ATXN7L1: variants seen among roughly 807,000 people sequenced by gnomAD.
The protein encoded by ATXN7L1 is ataxin 7 like 1, also known as ataxin-7-like protein 1.
A neutral mutation model predicts 70.8 loss-of-function variants in ATXN7L1; 15 were observed. The observed-to-expected ratio is 0.21, with a 90% CI of 0.14 to 0.33. The LOEUF (loss-of-function observed/expected upper bound fraction) is 0.33, where lower values mean the gene tolerates loss of function less well. Among genes scored for constraint, ATXN7L1 ranks in the 10% least tolerant of loss-of-function variants. ATXN7L1 has a pLI of 1.00. For synonymous variants in ATXN7L1, 440 were observed against 445.1 expected, an observed-to-expected ratio of 0.99 and a Z score of 0.14; for missense variants, 975 against 1,097.1, an observed-to-expected ratio of 0.89 and a Z score of 1.57.
intron 3 of ATXN7L1, among the ~76,000 whole-genome samples, chr7:105,770,120 G>C (rs1443372185): frequency 6.6e-6 from 1 of 152,238 alleles, no homozygotes; most frequent in Non-Finnish European, 1.5e-5. Flanking sequence ...TTTTGGGCCA[G>C]TGCAGTGATG....
chr7:105,618,998 AG>A (rs1027479415), intron 9 of ATXN7L1, among the ~76,000 whole-genome samples: 8 of 152,226 alleles, frequency 5.3e-5, no homozygotes, highest in African/African-American at 1.9e-4. Context: ...AGTCCTAAGG[AG>A]GCGGGAAGGG....
chr7:105,749,585 C>CT (rs1419428687), intron 3 of ATXN7L1, among the ~76,000 whole-genome samples: 1 of 150,342 alleles, frequency 6.7e-6, no homozygotes, highest in Non-Finnish European at 1.5e-5. Context: ...GATTGAGCCA[C>CT]TGTCCTCCAG....
At chr7:105,648,043 T>C (rs1799317032) in intron 4 of ATXN7L1, among the ~76,000 whole-genome samples, 1 of 152,040 alleles carries the variant, frequency 6.6e-6, no homozygotes. Flanking sequence ...TGGGAAGCAT[T>C]GGGGAAAAAA....
chr7:105,645,410 C>T (rs1381653168), intron 4 of ATXN7L1, among the ~76,000 whole-genome samples: 3 of 152,092 alleles, frequency 2.0e-5, no homozygotes, highest in African/African-American at 7.2e-5. Context: ...ACCTGTAATC[C>T]CAGCACTTTG....
chr7:105,836,450 G>T (rs189309912), intron 2 of ATXN7L1, among the ~76,000 whole-genome samples: 3 of 152,272 alleles, frequency 2.0e-5, no homozygotes, highest in East Asian at 3.9e-4. Flanking sequence ...GGAGAAAATG[G>T]GATGCCAGCA....
chr7:105,638,432 C>G lies in ATXN7L1; in HGVS notation c.1123G>C (p.Gly375Arg). ...QSGPAQDSLL[G>R]SSGSSGPEPK... ...TCTGGCCCAGAGCTCCCTGAAGACC[C>G]TAGCAGAGAATCCTGTGCCGGCCCG... is the stretch of plus-strand genomic sequence containing the variant. Residue 375 changes from glycine to arginine, a missense_variant, in exon 7 of 12, where the codon GGG (glycine) becomes CGG (arginine). Gly to Arg is a moderately radical substitution (Grantham distance 125). This residue lies in a region of ATXN7L1 where 635 missense variants were observed against 699.4 expected (regional missense o/e 0.91). Coordinates refer to ENST00000419735, the MANE Select transcript of ATXN7L1 (RefSeq NM_020725.2). 1 of 1,552,346 alleles carries G rather than the reference C, an allele frequency of 6.4e-7. No homozygotes were observed.
intron 2 of ATXN7L1, among the ~76,000 whole-genome samples, chr7:105,804,917 G>A (rs747655387): frequency 7.2e-5 from 11 of 152,162 alleles, no homozygotes; most frequent in Non-Finnish European, 1.0e-4. Context: ...TAAAGAGGAC[G>A]GCAGCTGGGA....
intron 3 of ATXN7L1, among the ~76,000 whole-genome samples, chr7:105,696,338 C>A (rs555066192): frequency 6.6e-6 from 1 of 152,282 alleles, no homozygotes; most frequent in South Asian, 2.1e-4. Context: ...TGCATCCATG[C>A]TGCCTGAAAG....
chr7:105,704,969 T>G (rs1792967340), intron 3 of ATXN7L1, among the ~76,000 whole-genome samples: 1 of 152,170 alleles, frequency 6.6e-6, no homozygotes, highest in African/African-American at 2.4e-5. Flanking sequence ...TGTGCTGTGC[T>G]ACCCAGAATT....
At position 105,676,503 on chromosome 7, in the gene ATXN7L1, T is replaced by G. The variant is rs114874972; in HGVS notation, c.356-11215A>C. On this transcript the variant is annotated intron_variant, in intron 3 of 11. Transcript: ENST00000419735. ...CGGGGGAGCCACAGACCCCAGGATCTTGGGGAGAAGATCCATGAGCTGGGA... is the reference window on the plus strand; with the variant it reads ...CGGGGGAGCCACAGACCCCAGGATCGTGGGGAGAAGATCCATGAGCTGGGA... Among the ~76,000 whole-genome samples, 1,027 of 152,270 alleles carry G rather than the reference T, an allele frequency of 6.7e-3. 14 individuals carry two copies. The highest frequency in any genetic ancestry group is 0.024 in the African/African-American group (987 of 41,558).
chr7:105,684,488 C>T (rs565247426), intron 3 of ATXN7L1, among the ~76,000 whole-genome samples: 100 of 152,316 alleles, frequency 6.6e-4, no homozygotes, highest in African/African-American at 2.4e-3. Flanking sequence ...TTAATGCAGC[C>T]AGAGATCCAA....
chr7:105,793,011 T>A (rs913820181), intron 2 of ATXN7L1, among the ~76,000 whole-genome samples: 6 of 152,226 alleles, frequency 3.9e-5, no homozygotes, highest in South Asian at 4.1e-4. Flanking sequence ...AGTAAAGTAA[T>A]TTGCTTGCAA....
intron 2 of ATXN7L1, among the ~76,000 whole-genome samples, chr7:105,841,954 G>A (rs1813276545): frequency 6.6e-6 from 1 of 152,130 alleles, no homozygotes; most frequent in South Asian, 2.1e-4. Context: ...AGAAAGATCT[G>A]CAATTTAGAA....
In ATXN7L1 at chr7:105,665,423, G is replaced by A. The variant is rs958062141; in HGVS notation, c.356-135C>T. The A allele has an allele frequency of 4.4e-5, 30 of 679,016 alleles. No homozygotes were observed. In the South Asian group the frequency reaches 5.3e-4, roughly 12 times the overall value. 42.1% of individuals were successfully genotyped at this position (679,016 alleles called of 1,614,324 possible). On this transcript the variant is annotated intron_variant, in intron 3 of 11. Transcript: ENST00000419735. ...CAGCACTGGCATTCCTGAAGCCTAGGTTCTGATGAGACGATTTGTCTTGAC... is the reference window on the plus strand; with the variant it reads ...CAGCACTGGCATTCCTGAAGCCTAGATTCTGATGAGACGATTTGTCTTGAC...
intron 3 of ATXN7L1, among the ~76,000 whole-genome samples, chr7:105,720,106 GTCC>G (rs1795013223): frequency 1.3e-5 from 2 of 152,158 alleles, no homozygotes; most frequent in African/African-American, 4.8e-5. Context: ...TCTTTAAATA[GTCC>G]GAATACCATG....
chr7:105,789,315 A>G (rs1230653154), intron 2 of ATXN7L1, among the ~76,000 whole-genome samples: 1 of 152,192 alleles, frequency 6.6e-6, no homozygotes, highest in African/African-American at 2.4e-5. Context: ...AGGTGCTGGG[A>G]AAAACTGGGG....
chr7:105,841,212 G>A (rs889696388), intron 2 of ATXN7L1, among the ~76,000 whole-genome samples: 3 of 152,196 alleles, frequency 2.0e-5, no homozygotes, highest in African/African-American at 7.2e-5. Flanking sequence ...AAGGCCACAT[G>A]GAGCAGAGCA....
intron 3 of ATXN7L1, among the ~76,000 whole-genome samples, chr7:105,781,423 A>G (rs1319633152): frequency 6.6e-6 from 1 of 152,218 alleles, no homozygotes; most frequent in Admixed American, 6.5e-5. Context: ...TTTTTCCAGT[A>G]TAGGCACCTT....
chr7:105,663,237 C>T (rs1801996949), intron 4 of ATXN7L1, among the ~76,000 whole-genome samples: 1 of 152,238 alleles, frequency 6.6e-6, no homozygotes, highest in Non-Finnish European at 1.5e-5. Flanking sequence ...CAGCTACAGC[C>T]TCCTGCAGGA....
Sources: gnomAD v4.1 joint callset for allele counts (sites outside exome capture counted in the v4.1 genomes callset) on GRCh38, gnomAD v4.1.1 for gene constraint, gnomAD v4.1.1 regional missense constraint, MANE v1.5 for transcripts, NCBI Gene and HGNC (gene_info 2026-07-23, HGNC 2026-07-21) for gene names.